Variants in CADM2 observed in about 807,000 individuals in gnomAD.
CADM2 encodes immunoglobulin superfamily member 4D.
Under a neutral mutation model 49.8 loss-of-function variants are expected in CADM2, and 12 were observed. The ratio of observed to expected loss-of-function variants is 0.24; its 90% CI spans 0.15 to 0.39. The LOEUF (loss-of-function observed/expected upper bound fraction) is 0.39, where lower values mean the gene tolerates loss of function less well. CADM2 is among the 10% of genes least tolerant of loss of function. The pLI is 1.00. For synonymous variants in CADM2, 214 were observed against 175.4 expected (o/e 1.22, Z -1.74); for missense variants, 378 against 492.3 (o/e 0.77, Z 2.20).
At chr3:85,341,829 C>G (rs1202950707) in intron 1 of CADM2, among the ~76,000 whole-genome samples, 1 of 152,030 alleles carries the variant, frequency 6.6e-6, no homozygotes, top group Non-Finnish European at 1.5e-5. Context: ...ATATCATTTA[C>G]TTGGCTAGGA....
At position 85,809,790 on chromosome 3, in the gene CADM2, C is replaced by CTTTCTTTCTT. The variant is rs542554365; in HGVS notation, c.238+7595_238+7596insTTCTTTCTTT. The stretch of plus-strand genomic sequence containing the variant: ...TCTCTCTCTCTCTCTCTCTCTCTCT[C>CTTTCTTTCTT]TCTTTCTTTCTTTCTTTCTTTCTGT... On this transcript the variant is annotated intron_variant, in intron 3 of 9. Transcript: ENST00000383699. 1.6e-3 allele frequency among the ~76,000 whole-genome samples: 162 copies of CTTTCTTTCTT among 98,948 alleles called. 8 individuals carry two copies. Among genetic ancestry groups the CTTTCTTTCTT allele is most frequent in the South Asian group, 7.2e-3 (19 of 2,626 alleles). The allele number at this position is 98,948 out of a possible 152,430, so 64.9% of individuals were successfully genotyped here.
At chr3:85,882,165 G>A (rs745833231) in intron 3 of CADM2, among the ~76,000 whole-genome samples, 2 of 67,816 alleles carry the variant, frequency 2.9e-5, no homozygotes, top group Non-Finnish European at 6.6e-5. Context: ...CCCCCACCCC[G>A]CATATACCCT....
intron 7 of CADM2, among the ~76,000 whole-genome samples, chr3:85,955,675 G>T (rs1407077325): frequency 6.6e-6 from 1 of 151,404 alleles, no homozygotes; most frequent in Non-Finnish European, 1.5e-5. Flanking sequence ...TTTGTATCTG[G>T]TTCAAAATAT....
intron 1 of CADM2, among the ~76,000 whole-genome samples, chr3:85,152,356 T>A (rs940745831): frequency 6.6e-6 from 1 of 152,130 alleles, no homozygotes; most frequent in East Asian, 1.9e-4. Context: ...CAAAAGAGAC[T>A]GTAGTTATGG....
At chr3:86,002,218 G>A (rs1437289449) in intron 8 of CADM2, among the ~76,000 whole-genome samples, 3 of 152,062 alleles carry the variant, frequency 2.0e-5, no homozygotes, top group Non-Finnish European at 2.9e-5. Context: ...GCATTTGCCT[G>A]GTGAGCTGTC....
intron 7 of CADM2, among the ~76,000 whole-genome samples, chr3:85,938,256 C>CA (rs1230617153): frequency 6.6e-6 from 1 of 151,744 alleles, no homozygotes; most frequent in African/African-American, 2.4e-5. Flanking sequence ...GCAGAAAGGA[C>CA]AAAAAACAAG....
intron 1 of CADM2, among the ~76,000 whole-genome samples, chr3:85,558,745 T>C (rs1003725699): frequency 1.3e-5 from 2 of 152,088 alleles, no homozygotes; most frequent in Non-Finnish European, 2.9e-5. Context: ...ATTTAGTATG[T>C]ATGAAGTCCC....
chr3:85,653,190 T>G (rs2065105353), intron 1 of CADM2, among the ~76,000 whole-genome samples: 1 of 151,100 alleles, frequency 6.6e-6, no homozygotes, highest in South Asian at 2.1e-4. Context: ...ACACTTTGGG[T>G]AGCAAAGAAC....
intron 1 of CADM2, among the ~76,000 whole-genome samples, chr3:85,391,720 G>C (rs1420068578): frequency 2.6e-5 from 4 of 152,040 alleles, no homozygotes; most frequent in Non-Finnish European, 5.9e-5. Context: ...ATACAGATTT[G>C]TTATTTGTCT....
In CADM2 at chr3:85,912,482, A is replaced by G; in HGVS notation, c.639A>G (p.Arg213=). ...RSDDGVAVIC[R]VDHESLNATP... ...ATGATGGAGTGGCGGTCATCTGCAGAGTAGATCACGAATCCCTCAATGCCA... is the reference window on the plus strand; with the variant it reads ...ATGATGGAGTGGCGGTCATCTGCAGGGTAGATCACGAATCCCTCAATGCCA... Residue 213 remains arginine, a synonymous_variant, in exon 6 of 10, where the codon AGA becomes AGG. Transcript: ENST00000383699. 6.2e-7 allele frequency: 1 copy of G among 1,614,060 alleles called. No individual in the cohort carries two copies. Among genetic ancestry groups the G allele is most frequent in the Non-Finnish European group, 8.5e-7 (1 of 1,179,966 alleles).
chr3:85,457,290 G>A (rs2038036476), intron 1 of CADM2, among the ~76,000 whole-genome samples: 3 of 151,846 alleles, frequency 2.0e-5, no homozygotes, highest in Admixed American at 2.0e-4. Flanking sequence ...ACACAGGCCT[G>A]TACTCCCAGC....
At chr3:85,740,584 A>G (rs575994441) in intron 2 of CADM2, among the ~76,000 whole-genome samples, 5 of 152,084 alleles carry the variant, frequency 3.3e-5, no homozygotes, top group African/African-American at 1.2e-4. Context: ...TTTTCTTGCA[A>G]CTATAAAGAA....
At chr3:85,468,394 C>A (rs1221922886) in intron 1 of CADM2, among the ~76,000 whole-genome samples, 1 of 151,988 alleles carries the variant, frequency 6.6e-6, no homozygotes, top group Non-Finnish European at 1.5e-5. Flanking sequence ...GGTGTCCTGT[C>A]CAGAGCTGTC....
At chr3:85,524,252 A>AT (rs1348828219) in intron 1 of CADM2, among the ~76,000 whole-genome samples, 1 of 151,768 alleles carries the variant, frequency 6.6e-6, no homozygotes, top group South Asian at 2.1e-4. Flanking sequence ...TTATTATTCT[A>AT]TTTTTTGTGT....
intron 1 of CADM2, among the ~76,000 whole-genome samples, chr3:85,558,612 A>C (rs2062017557): frequency 1.3e-5 from 2 of 152,082 alleles, no homozygotes; most frequent in Admixed American, 1.3e-4. Flanking sequence ...ATGTGTGAAT[A>C]TTGGTACATT....
chr3:85,386,589 G>A (rs1376365647), intron 1 of CADM2, among the ~76,000 whole-genome samples: 1 of 152,204 alleles, frequency 6.6e-6, no homozygotes. Context: ...GCTTCTCACT[G>A]ACAGTGTGCG....
At chr3:85,701,896 G>C (rs995266851) in intron 1 of CADM2, among the ~76,000 whole-genome samples, 1 of 124,848 alleles carries the variant, frequency 8.0e-6, no homozygotes, top group East Asian at 2.2e-4. Flanking sequence ...TAGATAGATA[G>C]ATAGATAGAT....
At chr3:85,472,901 TA>T (rs1383622662) in intron 1 of CADM2, among the ~76,000 whole-genome samples, 1 of 152,098 alleles carries the variant, frequency 6.6e-6, no homozygotes, top group Non-Finnish European at 1.5e-5. Context: ...TCTGTTCTAT[TA>T]ATATCACAAT....
intron 1 of CADM2, among the ~76,000 whole-genome samples, chr3:85,320,188 A>G (rs749239002): frequency 1.3e-5 from 2 of 152,198 alleles, no homozygotes; most frequent in Non-Finnish European, 2.9e-5. Flanking sequence ...GGAGGTCACA[A>G]ATGCTGTTAA....
Sources: gnomAD v4.1 joint callset for allele counts (sites outside exome capture counted in the v4.1 genomes callset) on GRCh38, gnomAD v4.1.1 for gene constraint, MANE v1.5 for transcripts, NCBI Gene and HGNC (gene_info 2026-07-23, HGNC 2026-07-21) for gene names.